Variants in NCKAP5 observed in about 807,000 individuals in gnomAD.
The protein encoded by NCKAP5 is nck-associated protein 5.
Under a neutral mutation model 167.0 loss-of-function variants are expected in NCKAP5, and 92 were observed. The ratio of observed to expected loss-of-function variants is 0.55; its 90% CI spans 0.47 to 0.66. The LOEUF (loss-of-function observed/expected upper bound fraction) is 0.66, where lower values mean the gene tolerates loss of function less well. Among genes scored for constraint, NCKAP5 ranks in the 30% least tolerant of loss-of-function variants. NCKAP5 has a pLI of 0.00. For missense variants in NCKAP5, 2,378 were observed against 2,315.0 expected, an observed-to-expected ratio of 1.03 and a Z score of -0.56; for synonymous variants, 891 against 877.4, an observed-to-expected ratio of 1.02 and a Z score of -0.27.
intron 5 of NCKAP5, among the ~76,000 whole-genome samples, chr2:133,199,892 A>G (rs1376555741): frequency 1.3e-5 from 2 of 151,962 alleles, no homozygotes; most frequent in East Asian, 3.8e-4. Flanking sequence ...ACTAATTTAT[A>G]TAATGACATG....
At chr2:133,666,186 CTTT>C in the NCKAP5 span, among the ~76,000 whole-genome samples, 1 of 114,120 alleles carries the variant, frequency 8.8e-6, no homozygotes, top group African/African-American at 3.4e-5. Flanking sequence ...GATCTACATC[CTTT>C]TTTTTTTTTT....
At chr2:133,615,010 C>A in the NCKAP5 span, among the ~76,000 whole-genome samples, 61 of 151,870 alleles carry the variant, frequency 4.0e-4, no homozygotes, top group African/African-American at 9.6e-4. Flanking sequence ...TTCTTAAAGA[C>A]AAGAATTTTC....
At chr2:132,775,527 C>T (rs558132930) in intron 15 of NCKAP5, among the ~76,000 whole-genome samples, 2 of 152,266 alleles carry the variant, frequency 1.3e-5, no homozygotes, top group East Asian at 1.9e-4. Flanking sequence ...TTAGCAGCTC[C>T]ACAGAAAGAA....
At chr2:132,756,890 CCT>C (rs1192956112) in intron 16 of NCKAP5, among the ~76,000 whole-genome samples, 1 of 152,128 alleles carries the variant, frequency 6.6e-6, no homozygotes, top group Non-Finnish European at 1.5e-5. Flanking sequence ...ATATATTTCC[CCT>C]CTGTTTGGGA....
At chr2:133,459,290 C>T (rs914504985) in intron 3 of NCKAP5, among the ~76,000 whole-genome samples, 5 of 152,180 alleles carry the variant, frequency 3.3e-5, no homozygotes, top group African/African-American at 7.2e-5. Flanking sequence ...AGGTGATCCT[C>T]CTGCCTTCCA....
At chr2:133,497,539 G>A (rs1682052407) in intron 3 of NCKAP5, among the ~76,000 whole-genome samples, 1 of 152,164 alleles carries the variant, frequency 6.6e-6, no homozygotes, top group African/African-American at 2.4e-5. Context: ...GGAGGTAACA[G>A]GGAGCTGACA....
chr2:132,742,712 C>G (rs1252489928), intron 16 of NCKAP5, among the ~76,000 whole-genome samples: 1 of 151,808 alleles, frequency 6.6e-6, no homozygotes, highest in South Asian at 2.1e-4. Context: ...GAAGAAAGCT[C>G]AAGACTTCAC....
chr2:133,435,864 T>G (rs1360348131), intron 3 of NCKAP5, among the ~76,000 whole-genome samples: 1 of 152,130 alleles, frequency 6.6e-6, no homozygotes, highest in Non-Finnish European at 1.5e-5. Flanking sequence ...CCTTTTTGGT[T>G]CCCTGCTTTT....
At chr2:132,724,083 C>T (rs888220418) in intron 19 of NCKAP5, among the ~76,000 whole-genome samples, 1 of 152,118 alleles carries the variant, frequency 6.6e-6, no homozygotes, top group Non-Finnish European at 1.5e-5. Flanking sequence ...CCACATTGGC[C>T]ATTCCCTCTA....
chr2:133,480,022 C>T (rs960387400), intron 3 of NCKAP5, among the ~76,000 whole-genome samples: 2 of 151,528 alleles, frequency 1.3e-5, no homozygotes, highest in African/African-American at 2.4e-5. Flanking sequence ...ACCTCCACCT[C>T]CTGGGTTTAA....
intron 7 of NCKAP5, among the ~76,000 whole-genome samples, chr2:132,984,595 A>C (rs1288222542): frequency 6.6e-6 from 1 of 152,150 alleles, no homozygotes; most frequent in East Asian, 1.9e-4. Flanking sequence ...AAAATCAATA[A>C]GGACAATATA....
intron 3 of NCKAP5, among the ~76,000 whole-genome samples, chr2:133,445,574 T>C (rs1239470131): frequency 1.3e-5 from 2 of 152,192 alleles, no homozygotes; most frequent in Non-Finnish European, 2.9e-5. Flanking sequence ...AGGAAATAAG[T>C]ATCTCTAAGA....
chr2:133,655,805 A>G, the NCKAP5 span, among the ~76,000 whole-genome samples: 1 of 152,212 alleles, frequency 6.6e-6, no homozygotes, highest in African/African-American at 2.4e-5. Flanking sequence ...TGAGGCACAT[A>G]TTATAGTTCT....
At chr2:133,357,813 C>A (rs886407212) in intron 3 of NCKAP5, among the ~76,000 whole-genome samples, 1 of 152,168 alleles carries the variant, frequency 6.6e-6, no homozygotes, top group East Asian at 1.9e-4. Flanking sequence ...TGTCTTAGAG[C>A]AAATTTTTGG....
At chr2:133,071,225 G>T (rs1559110236) in intron 6 of NCKAP5, among the ~76,000 whole-genome samples, 1 of 152,186 alleles carries the variant, frequency 6.6e-6, no homozygotes, top group Non-Finnish European at 1.5e-5. Flanking sequence ...GAAACAGGAA[G>T]ATTAAGACCA....
At chr2:133,313,487 A>G (rs902997093) in intron 3 of NCKAP5, among the ~76,000 whole-genome samples, 1 of 152,204 alleles carries the variant, frequency 6.6e-6, no homozygotes, top group African/African-American at 2.4e-5. Flanking sequence ...AGGTAAAAAG[A>G]GTTATACTTA....
At chr2:132,849,192 C>T (rs79122712) in intron 11 of NCKAP5, among the ~76,000 whole-genome samples, 1 of 152,006 alleles carries the variant, frequency 6.6e-6, no homozygotes, top group African/African-American at 2.4e-5. Flanking sequence ...GGGAGAAAAC[C>T]TACTGTCTTT....
At chr2:132,895,322 G>A (rs574117079) in intron 8 of NCKAP5, among the ~76,000 whole-genome samples, 140 of 132,192 alleles carry the variant, frequency 1.1e-3, no homozygotes, top group African/African-American at 3.7e-3. Flanking sequence ...TGGAGTCTTT[G>A]AGACTTTGTC....
chr2:133,082,984 C>A (rs993491793), intron 6 of NCKAP5, among the ~76,000 whole-genome samples: 4 of 152,114 alleles, frequency 2.6e-5, no homozygotes, highest in Admixed American at 2.0e-4. Flanking sequence ...CGAAGAAAGG[C>A]AGATGAGAAT....
Sources: allele counts gnomAD v4.1 joint callset (sites outside exome capture counted in the v4.1 genomes callset), GRCh38; gene constraint gnomAD v4.1.1; transcripts MANE v1.5; gene names NCBI Gene and HGNC (gene_info 2026-07-23, HGNC 2026-07-21).